The following KCNMA1 variants were observed in gnomAD, a reference collection of about 807,000 sequenced individuals.
KCNMA1 encodes the protein potassium calcium-activated channel subfamily M alpha 1.
In KCNMA1, 29 loss-of-function variants were observed where a neutral mutation model predicts 140.0. The observed-to-expected ratio is 0.21, with a 90% CI of 0.15 to 0.28. The LOEUF is 0.28. Ranked by LOEUF, KCNMA1 falls within the 10% of genes least tolerant of loss-of-function variation. The pLI is 1.00. For missense variants in KCNMA1, 880 were observed against 1,602.2 expected (o/e 0.55, Z 7.70); for synonymous variants, 612 against 611.9 (o/e 1.00, Z 0.00).
At chr10:77,300,549 A>G (rs1211850616) in intron 2 of KCNMA1, among the ~76,000 whole-genome samples, 1 of 152,234 alleles carries the variant, frequency 6.6e-6, no homozygotes, top group Non-Finnish European at 1.5e-5. Context: ...TAATCAGTCC[A>G]TATGTTAATA....
chr10:77,209,884 C>G (rs1288738443), intron 3 of KCNMA1, among the ~76,000 whole-genome samples: 1 of 148,070 alleles, frequency 6.8e-6, no homozygotes, highest in Admixed American at 6.8e-5. Context: ...AGACCAATAA[C>G]AAGCTCTGAA....
chr10:77,310,867 T>A (rs544234846), intron 2 of KCNMA1, among the ~76,000 whole-genome samples: 1 of 152,040 alleles, frequency 6.6e-6, no homozygotes, highest in Non-Finnish European at 1.5e-5. Context: ...AACAGAAAAG[T>A]CTATTTATTT....
chr10:77,005,527 G>A lies in KCNMA1; in HGVS notation c.2093-3947C>T, dbSNP rs543287543. Among the ~76,000 whole-genome samples, 26 of 152,232 alleles carry A rather than the reference G, an allele frequency of 1.7e-4. No individual in the cohort carries two copies. The South Asian group carries it at 4.4e-3, about 25-fold the overall frequency. ...CATGCTCAATTAACTGCCCCGATAG[G>A]CCAACTTAACTCTAGGAAAGCAGAA... is the stretch of plus-strand genomic sequence containing the variant. On this transcript the variant is annotated intron_variant, in intron 18 of 27. Coordinates refer to ENST00000286628, the MANE Select transcript of KCNMA1 (RefSeq NM_001161352.2).
intron 19 of KCNMA1, among the ~76,000 whole-genome samples, chr10:76,983,519 G>A (rs2080209788): frequency 6.6e-6 from 1 of 152,016 alleles, no homozygotes. Context: ...GATATCTTGA[G>A]GTCAGTTCAA....
intron 25 of KCNMA1, among the ~76,000 whole-genome samples, chr10:76,895,354 A>C (rs1022050650): frequency 2.0e-5 from 3 of 152,304 alleles, no homozygotes; most frequent in Admixed American, 6.5e-5. Context: ...CCTGCTACAC[A>C]GTCACTTTGG....
chr10:76,959,625 T>C (rs1248150823), intron 20 of KCNMA1, among the ~76,000 whole-genome samples: 1 of 152,222 alleles, frequency 6.6e-6, no homozygotes, highest in African/African-American at 2.4e-5. Flanking sequence ...CACTCATGTA[T>C]TACTAGCTCT....
exon 28 of KCNMA1, chr10:76,872,045 T>A (rs2031447002): frequency 6.6e-6 from 1 of 152,224 alleles, no homozygotes; most frequent in African/African-American, 2.4e-5. Flanking sequence ...TAAGGGGAAT[T>A]CCTATTTGGC....
At chr10:77,185,534 C>T (rs2098842212) in intron 3 of KCNMA1, among the ~76,000 whole-genome samples, 1 of 151,920 alleles carries the variant, frequency 6.6e-6, no homozygotes, top group African/African-American at 2.4e-5. Context: ...GGGAAAGAAG[C>T]ATTGTCCGAC....
intron 2 of KCNMA1, among the ~76,000 whole-genome samples, chr10:77,312,878 T>C (rs1240431155): frequency 1.3e-5 from 2 of 152,266 alleles, no homozygotes; most frequent in Admixed American, 6.5e-5. Context: ...TTTCACCTAG[T>C]AGGTCAGCTA....
chr10:77,393,826 G>T (rs1392181388), intron 2 of KCNMA1, among the ~76,000 whole-genome samples: 3 of 152,250 alleles, frequency 2.0e-5, no homozygotes, highest in Non-Finnish European at 2.9e-5. Flanking sequence ...CACTGACAAA[G>T]GGGCAGGGTT....
intron 1 of KCNMA1, among the ~76,000 whole-genome samples, chr10:77,442,520 G>T (rs1603620560): frequency 6.6e-6 from 1 of 152,178 alleles, no homozygotes; most frequent in African/African-American, 2.4e-5. Flanking sequence ...CTAGTTGTAA[G>T]ATCATGGGCA....
intron 1 of KCNMA1, among the ~76,000 whole-genome samples, chr10:77,440,135 G>A (rs889428963): frequency 7.2e-5 from 11 of 152,140 alleles, no homozygotes; most frequent in African/African-American, 2.4e-4. Context: ...TACAAATGAC[G>A]CCACACCAAA....
At chr10:77,120,212 G>C (rs2097565319) in intron 6 of KCNMA1, among the ~76,000 whole-genome samples, 1 of 152,160 alleles carries the variant, frequency 6.6e-6, no homozygotes, top group Admixed American at 6.5e-5. Flanking sequence ...TTCTCCATTA[G>C]AGCACGTCTA....
At chr10:77,575,675 AGGATCACCCGG>A (rs2073815409) in intron 1 of KCNMA1, among the ~76,000 whole-genome samples, 1 of 152,238 alleles carries the variant, frequency 6.6e-6, no homozygotes, top group Non-Finnish European at 1.5e-5. Context: ...GCTGCACATT[AGGATCACCCGG>A]GGAGCATCTG....
At chr10:76,899,607 C>T (rs1172478297) in intron 25 of KCNMA1, among the ~76,000 whole-genome samples, 1 of 152,114 alleles carries the variant, frequency 6.6e-6, no homozygotes, top group African/African-American at 2.4e-5. Flanking sequence ...GTGACAGAGA[C>T]TATGTGGCCC....
intron 1 of KCNMA1, among the ~76,000 whole-genome samples, chr10:77,434,156 C>G (rs889991981): frequency 6.6e-6 from 1 of 152,356 alleles, no homozygotes; most frequent in Admixed American, 6.5e-5. Flanking sequence ...CAAGCTCAGG[C>G]CAGCGCTACA....
intron 2 of KCNMA1, among the ~76,000 whole-genome samples, chr10:77,265,052 CTCTT>C (rs1466638759): frequency 6.6e-6 from 1 of 151,662 alleles, no homozygotes; most frequent in African/African-American, 2.4e-5. Context: ...CATCAAAAGA[CTCTT>C]TTTTTTTTTT....
At chr10:77,391,061 T>A (rs898928253) in intron 2 of KCNMA1, among the ~76,000 whole-genome samples, 1 of 152,194 alleles carries the variant, frequency 6.6e-6, no homozygotes, top group Admixed American at 6.5e-5. Context: ...GCCTGTTTGC[T>A]AAAAGTCTGG....
At chr10:77,222,712 G>T (rs2050078327) in intron 3 of KCNMA1, among the ~76,000 whole-genome samples, 1 of 152,164 alleles carries the variant, frequency 6.6e-6, no homozygotes, top group Non-Finnish European at 1.5e-5. Flanking sequence ...CCAACAGAAC[G>T]CAGGCCAAGA....
Sources: gnomAD v4.1 joint callset for allele counts (sites outside exome capture counted in the v4.1 genomes callset) on GRCh38, gnomAD v4.1.1 for gene constraint, MANE v1.5 for transcripts, NCBI Gene and HGNC (gene_info 2026-07-23, HGNC 2026-07-21) for gene names.